The following PHF10 variants were observed in gnomAD, a reference collection of about 807,000 sequenced individuals.
PHF10 encodes the protein BRG1-associated factor 45a.
A neutral mutation model predicts 68.5 loss-of-function variants in PHF10; 51 were observed. The observed-to-expected ratio is 0.74, with a 90% CI of 0.59 to 0.94. The LOEUF (loss-of-function observed/expected upper bound fraction) is 0.94. Ranked by LOEUF, PHF10 falls within the 40% of genes least tolerant of loss-of-function variation. PHF10 has a pLI of 0.00. For missense variants in PHF10, 460 were observed against 602.6 expected (o/e 0.76, Z 2.48); for synonymous variants, 204 against 203.5 (o/e 1.00, Z -0.02).
intron 9 of PHF10, chr6:169,708,662 T>C (rs1463994791): frequency 6.6e-6 from 1 of 152,204 alleles, no homozygotes; most frequent in Non-Finnish European, 1.5e-5. Flanking sequence ...AGTTAATCCA[T>C]ATGATTTCTT....
chr6:169,707,882 T>G (rs890375795), intron 9 of PHF10: 3 of 152,304 alleles, frequency 2.0e-5, no homozygotes, highest in African/African-American at 7.2e-5. Flanking sequence ...CTACGATGAA[T>G]GCTGCAGCTC....
At chr6:169,708,465 A>C (rs1392312287) in intron 9 of PHF10, 2 of 152,148 alleles carry the variant, frequency 1.3e-5, no homozygotes, top group Non-Finnish European at 2.9e-5. Flanking sequence ...ATTTAGGCAC[A>C]TCTTGGTTTA....
chr6:169,723,832 G>C lies in PHF10; in HGVS notation c.87+13C>G. ...ACGGGGTCAGGGTCGGGTCGCACCG[G>C]CCGCTTCCTCACCTTCGGGGACTGC... On this transcript the variant is annotated intron_variant, in intron 1 of 11. Transcript: ENST00000339209. 1 of 1,003,966 alleles carries C rather than the reference G, an allele frequency of 1.0e-6. No individual in the cohort carries two copies. 62.2% of individuals were successfully genotyped at this position (1,003,966 alleles called of 1,614,324 possible).
rs758405157 is a variant in PHF10, at chr6:169,705,224, T to C, written c.1320A>G (p.Gly440=). The change falls in exon 11 of 12, where the codon GGA becomes GGG. Residue 440 remains glycine (G), a synonymous_variant. Transcript: ENST00000339209. ...TCATTTCTTCTTCATGGTGGGGTTG[T>C]CCACATATAATGCATGTTTTACATT... is the stretch of plus-strand genomic sequence containing the variant. ...CMECKTCIIC[G]QPHHEEEMMF... 6.2e-7 allele frequency: 1 copy of C among 1,613,676 alleles called. No individual in the cohort carries two copies. The highest frequency in any genetic ancestry group is 2.2e-5 in the East Asian group (1 of 44,872).
rs1040529650 is a variant in PHF10 at position 169,715,696 on chromosome 6, A to C, written c.693+12T>G. The C allele has an allele frequency of 1.2e-6, 2 of 1,607,474 alleles. No homozygotes were observed. Among genetic ancestry groups the C allele is most frequent in the African/African-American group, 2.7e-5 (2 of 74,612 alleles). On this transcript the variant is annotated intron_variant, in intron 6 of 11. Transcript: ENST00000339209. ...ACTAAGTTCAGGGGGTACTAAATTT[A>C]AGTTATCCTACATGTGTCTGCAAGT...
chr6:169,719,810 G>GA (rs1789135078), intron 2 of PHF10, among the ~76,000 whole-genome samples: 1 of 151,654 alleles, frequency 6.6e-6, no homozygotes, highest in African/African-American at 2.4e-5. Context: ...AGCAACAAAA[G>GA]AAAAAATAGA....
At chr6:169,705,896 A>T (rs1788769128) in intron 9 of PHF10, among the ~76,000 whole-genome samples, 172 bp from the exon 10 acceptor site, 2 of 152,224 alleles carry the variant, frequency 1.3e-5, no homozygotes, top group East Asian at 1.9e-4. Context: ...CTGCCTACTG[A>T]AGAAAGCATT....
chr6:169,712,688 G>C (rs1788952652), intron 7 of PHF10, 149 bp from the exon 8 acceptor site: 1 of 578,972 alleles, frequency 1.7e-6, no homozygotes, highest in Admixed American at 3.6e-5. Flanking sequence ...TTGTCATCAA[G>C]TAGGGTTAAT....
rs1010941851 is a variant in PHF10, at chr6:169,724,144, C to T, written c.-213G>A. 2.1e-5 allele frequency: 3 copies of T among 145,234 alleles called. No homozygotes were observed. Among genetic ancestry groups the T allele is most frequent in the African/African-American group, 7.4e-5 (3 of 40,578 alleles). The allele number at this position is 145,234 out of a possible 1,614,324, so 9.0% of individuals were successfully genotyped here. A position where few individuals can be genotyped will look rare whatever the true frequency, so the allele number is the denominator to read the frequency against. ...GCCACCGCCATGGCCGTCGCCAGCG[C>T]GCCGCCCGCGCGGGAGGGCGCCAAA... On this transcript the variant is annotated 5_prime_UTR_variant, in exon 1 of 12. Transcript: ENST00000339209.
At chr6:169,705,106 A>AATT in intron 11 of PHF10, 27 bp downstream of exon 11, 1 of 1,547,506 alleles carries the variant, frequency 6.5e-7, no homozygotes, top group South Asian at 1.2e-5. Context: ...ACCCAAAGAT[A>AATT]ATGTTTGCTC....
intron 7 of PHF10, 144 bp from the exon 8 acceptor site, chr6:169,712,683 A>T (rs1585301067): frequency 1.7e-6 from 1 of 592,862 alleles, no homozygotes; most frequent in African/African-American, 1.9e-5. Flanking sequence ...CATTTTTGTC[A>T]TCAAGTAGGG....
rs1417052700 is a variant in PHF10, at chr6:169,724,128, A to G, written c.-197T>C. 2.2e-5 allele frequency: 3 copies of G among 135,750 alleles called. No individual in the cohort carries two copies. Among genetic ancestry groups the G allele is most frequent in the Non-Finnish European group, 3.2e-5 (2 of 62,924 alleles). The allele number at this position is 135,750 out of a possible 1,614,324, so 8.4% of individuals were successfully genotyped here. The stretch of plus-strand genomic sequence containing the variant: ...GCCCGCCAGCGCCGCCGCCACCGCC[A>G]TGGCCGTCGCCAGCGCGCCGCCCGC... On this transcript the variant is annotated 5_prime_UTR_variant, in exon 1 of 12. The change abolishes an upstream ATG in the 5' untranslated region. Transcript: ENST00000339209.
intron 7 of PHF10, among the ~76,000 whole-genome samples, chr6:169,712,857 C>T (rs1419733103): frequency 6.6e-6 from 1 of 152,176 alleles, no homozygotes; most frequent in Non-Finnish European, 1.5e-5. Context: ...ACATCCACCT[C>T]GACCACTGTC....
At position 169,705,325 on chromosome 6, in the gene PHF10, A is replaced by C. The variant is rs1406001591; in HGVS notation, c.1223-4T>G. On this transcript the variant is annotated splice_region_variant and splice_polypyrimidine_tract_variant and intron_variant, in intron 10 of 11. Transcript: ENST00000339209. ...ATATCCAGGCAAGAAGGATGGCCTA[A>C]ATCAAAACCAGTATTAGTGGTATCT... 3 of 1,596,492 alleles carry C rather than the reference A, an allele frequency of 1.9e-6. No individual in the cohort carries two copies. Among genetic ancestry groups the C allele is most frequent in the Non-Finnish European group, 1.7e-6 (2 of 1,169,956 alleles).
At position 169,723,947 on chromosome 6, in the gene PHF10, G is replaced by GCGC. The variant is rs1171146413; in HGVS notation, c.-19_-17dup. 1,761 of 883,336 alleles carry GCGC rather than the reference G, an allele frequency of 2.0e-3. 4 individuals are homozygous for GCGC. Among genetic ancestry groups the GCGC allele is most frequent in the Middle Eastern group, 2.3e-3 (4 of 1,742 alleles). The allele number at this position is 883,336 out of a possible 1,614,324, so 54.7% of individuals were successfully genotyped here. A position where few individuals can be genotyped will look rare whatever the true frequency, so the allele number is the denominator to read the frequency against. On this transcript the variant is annotated 5_prime_UTR_variant, in exon 1 of 12. Transcript: ENST00000339209. ...CCGCCGCCATCAGCCCGAGCGCCCC[G>GCGC]CGCCGCCGCCGCCGCCGTCGCCTCC...
At chr6:169,711,531 A>G (rs906779157) in intron 8 of PHF10, among the ~76,000 whole-genome samples, 18 of 152,158 alleles carry the variant, frequency 1.2e-4, no homozygotes, top group Admixed American at 7.9e-4. Context: ...GCTTTCCCAT[A>G]ATGTTGGATT....
Position 169,719,027 on chromosome 6 carries a change from CCTATGA to C in PHF10, c.195-115_195-110del. 4.2e-6 allele frequency: 3 copies of C among 713,006 alleles called. No homozygotes were observed. In the South Asian group the frequency reaches 5.7e-5, roughly 13 times the overall value. 44.2% of individuals were successfully genotyped at this position (713,006 alleles called of 1,614,324 possible). On this transcript the variant is annotated intron_variant, in intron 2 of 11. Transcript: ENST00000339209. Reference sequence around the variant, plus strand: ...TTTTAAGTATTTAAATTATTTGCCTCCTATGACTTGACTTCCTGTGTATCAAAGAAA... The same window carrying C: ...TTTTAAGTATTTAAATTATTTGCCTCCTTGACTTCCTGTGTATCAAAGAAA...
intron 1 of PHF10, 25 bp downstream of exon 1, chr6:169,723,820 C>T (rs1211728457): frequency 3.5e-6 from 3 of 865,734 alleles, no homozygotes; most frequent in African/African-American, 3.6e-5. Flanking sequence ...GGGTCAGGGT[C>T]GGGTCGCACC....
intron 7 of PHF10, among the ~76,000 whole-genome samples, chr6:169,714,116 T>A (rs1283810577): frequency 1.6e-4 from 23 of 146,178 alleles, no homozygotes; most frequent in Admixed American, 1.3e-3. Context: ...CAAGACTGTC[T>A]CAAAAAAAAA....
Sources: gnomAD v4.1 joint callset for allele counts (sites outside exome capture counted in the v4.1 genomes callset) on GRCh38, gnomAD v4.1.1 for gene constraint, MANE v1.5 for transcripts, NCBI Gene and HGNC (gene_info 2026-07-23, HGNC 2026-07-21) for gene names.